The following TMEM131L variants were observed in gnomAD, a reference collection of about 807,000 sequenced individuals.
The protein encoded by TMEM131L is transmembrane protein 131-like.
TMEM131L carries 54 observed loss-of-function variants against 192.2 expected under a neutral mutation model. That is an observed-to-expected ratio of 0.28 (90% CI 0.23 to 0.35). The LOEUF (loss-of-function observed/expected upper bound fraction) is 0.35. Among genes scored for constraint, TMEM131L ranks in the 10% least tolerant of loss-of-function variants. The pLI is 1.00. For missense variants in TMEM131L, 1,888 were observed against 1,972.9 expected (o/e 0.96, Z 0.82); for synonymous variants, 701 against 704.9 (o/e 0.99, Z 0.09).
chr4:153,570,599 T>C (rs1178742000), intron 7 of TMEM131L, among the ~76,000 whole-genome samples: 3 of 152,124 alleles, frequency 2.0e-5, no homozygotes, highest in Non-Finnish European at 4.4e-5. Flanking sequence ...TTTCCATGTG[T>C]GGATTTCTGT....
intron 3 of TMEM131L, among the ~76,000 whole-genome samples, chr4:153,500,435 A>G (rs767804598): frequency 3.3e-5 from 5 of 152,156 alleles, no homozygotes; most frequent in Non-Finnish European, 1.5e-5. Flanking sequence ...AATTTTGCCA[A>G]TAGTGGATAG....
At chr4:153,486,086 AT>A (rs1224103149) in intron 3 of TMEM131L, among the ~76,000 whole-genome samples, 1 of 152,214 alleles carries the variant, frequency 6.6e-6, no homozygotes, top group African/African-American at 2.4e-5. Flanking sequence ...TAAGTCCGAG[AT>A]TAACGGATGG....
At chr4:153,622,617 T>C (rs1311607070) in intron 28 of TMEM131L, among the ~76,000 whole-genome samples, 1 of 152,214 alleles carries the variant, frequency 6.6e-6, no homozygotes, top group Non-Finnish European at 1.5e-5. Context: ...ATATAAGTTA[T>C]TTGTTAATTC....
chr4:153,622,300 C>T (rs914486306), intron 28 of TMEM131L, among the ~76,000 whole-genome samples: 22 of 152,058 alleles, frequency 1.4e-4, no homozygotes, highest in East Asian at 1.9e-4. Context: ...GGTCTGGTAC[C>T]GGATAGTGGG....
chr4:153,485,266 T>C (rs189237818), intron 3 of TMEM131L, among the ~76,000 whole-genome samples: 1 of 152,302 alleles, frequency 6.6e-6, no homozygotes, highest in East Asian at 1.9e-4. Flanking sequence ...TTGCGTTGCC[T>C]TCTCTAACAT....
intron 25 of TMEM131L, among the ~76,000 whole-genome samples, chr4:153,608,658 T>G (rs1028561446): frequency 6.6e-6 from 1 of 152,236 alleles, no homozygotes; most frequent in Non-Finnish European, 1.5e-5. Context: ...TCTGAAATTA[T>G]TGGTATTTGC....
chr4:153,599,572 G>A (rs940547283), intron 21 of TMEM131L, among the ~76,000 whole-genome samples: 3 of 152,172 alleles, frequency 2.0e-5, no homozygotes, highest in Non-Finnish European at 2.9e-5. Flanking sequence ...AATTATCAGA[G>A]TACTGTTAAA....
At position 153,635,464 on chromosome 4, in the gene TMEM131L, C is replaced by T; in HGVS notation, c.4450C>T (p.Pro1484Ser). ...NMNYANGFPC[P>S]ADVQTDFIDH... Reference sequence around the variant, plus strand: ...GAACTATGCCAATGGCTTCCCCTGTCCTGCAGATGTTCAGACAGACTTTAT... The same window carrying T: ...GAACTATGCCAATGGCTTCCCCTGTTCTGCAGATGTTCAGACAGACTTTAT... The change falls in exon 34 of 35, where the codon CCT (proline) becomes TCT (serine). Residue 1484 changes from proline to serine, a missense_variant. Physicochemically the swap from Pro to Ser is moderately conservative, Grantham distance 74. Transcript: ENST00000409959. 1 of 1,614,030 alleles carries T rather than the reference C, an allele frequency of 6.2e-7. No homozygotes were observed. The highest frequency in any genetic ancestry group is 1.7e-5 in the Admixed American group (1 of 60,018).
At position 153,582,420 on chromosome 4, in the gene TMEM131L, G is replaced by GTTTTT. The variant is rs1216119441; in HGVS notation, c.893-765_893-761dup. Among the ~76,000 whole-genome samples, 11 of 81,834 alleles carry GTTTTT rather than the reference G, an allele frequency of 1.3e-4. 2 individuals are homozygous for GTTTTT. The highest frequency in any genetic ancestry group is 6.0e-4 in the African/African-American group (11 of 18,260). The allele number at this position is 81,834 out of a possible 152,430, so 53.7% of individuals were successfully genotyped here. A position where few individuals can be genotyped will look rare whatever the true frequency, so the allele number is the denominator to read the frequency against. On this transcript the variant is annotated intron_variant, in intron 9 of 34. Coordinates refer to ENST00000409959, the MANE Select transcript of TMEM131L (RefSeq NM_001131007.2). ...CCACTATGCCTGGCTAATTTAAACC[G>GTTTTT]TTTTTTTTTGTTGTTTTTTTTTTTT...
At chr4:153,549,003 C>T (rs972295012) in intron 3 of TMEM131L, among the ~76,000 whole-genome samples, 23 of 152,100 alleles carry the variant, frequency 1.5e-4, no homozygotes, top group African/African-American at 4.8e-4. Flanking sequence ...CTTGCTCTGT[C>T]GCCCAGTCTG....
intron 12 of TMEM131L, 51 bp from the exon 13 acceptor site, chr4:153,585,407 G>T (rs1421508204): frequency 6.3e-7 from 1 of 1,579,152 alleles, no homozygotes; most frequent in African/African-American, 1.4e-5. Context: ...TAAGAGGGCT[G>T]ACTGTTGTCC....
intron 2 of TMEM131L, among the ~76,000 whole-genome samples, chr4:153,471,034 C>G (rs1215380261): frequency 6.6e-6 from 1 of 150,688 alleles, no homozygotes; most frequent in Non-Finnish European, 1.5e-5. Flanking sequence ...GTCGCCTAGG[C>G]TGGAGTGCAA....
In TMEM131L at chr4:153,581,378, T is replaced by C. The variant is rs540907335; in HGVS notation, c.739-29T>C. 1.4e-5 allele frequency: 21 copies of C among 1,487,256 alleles called. No homozygotes were observed. In the African/African-American group the frequency reaches 2.6e-4, roughly 18 times the overall value. 92.1% of individuals were successfully genotyped at this position (1,487,256 alleles called of 1,614,324 possible). On this transcript the variant is annotated intron_variant, in intron 8 of 34. Coordinates refer to ENST00000409959, the MANE Select transcript of TMEM131L (RefSeq NM_001131007.2). ...CACAAAGTTGAGATGATTTTTTTTT[T>C]CCTTTTTTCCTCCTCCTTCCAACCA...
chr4:153,470,997 T>TC (rs993949584), intron 2 of TMEM131L, among the ~76,000 whole-genome samples: 6 of 151,768 alleles, frequency 4.0e-5, no homozygotes, highest in African/African-American at 1.5e-4. Flanking sequence ...GTTTTCTTTT[T>TC]TTTTTTTGAG....
rs71598293 is a variant in TMEM131L at position 153,486,153 on chromosome 4, G to GA, written c.239+12274dup. On this transcript the variant is annotated intron_variant, in intron 3 of 34. Coordinates refer to ENST00000409959, the MANE Select transcript of TMEM131L (RefSeq NM_001131007.2). ...ATTATATGGTTCCTAGCAAATCCCTGAAAAAAAAAGAGCATGACTCGTGTA... is the reference window on the plus strand; with the variant it reads ...ATTATATGGTTCCTAGCAAATCCCTGAAAAAAAAAAGAGCATGACTCGTGTA... Among the ~76,000 whole-genome samples the GA allele has an allele frequency of 8.0e-4, 121 of 150,986 alleles. 1 individual carries two copies. The South Asian group carries it at 0.02, about 25-fold the overall frequency.
At chr4:153,553,357 G>A (rs749877945) in intron 4 of TMEM131L, among the ~76,000 whole-genome samples, 1 of 151,900 alleles carries the variant, frequency 6.6e-6, no homozygotes, top group Non-Finnish European at 1.5e-5. Context: ...ACTACAAGTG[G>A]TAGAATAAAT....
chr4:153,486,565 G>T (rs970485448), intron 3 of TMEM131L, among the ~76,000 whole-genome samples: 1 of 152,162 alleles, frequency 6.6e-6, no homozygotes, highest in Non-Finnish European at 1.5e-5. Context: ...CTGGTTCTTC[G>T]GACCTGTCTG....
intron 3 of TMEM131L, among the ~76,000 whole-genome samples, chr4:153,493,964 C>T (rs535643792): frequency 3.6e-4 from 55 of 152,184 alleles, no homozygotes; most frequent in African/African-American, 1.2e-3. Flanking sequence ...TGGCTGACAC[C>T]GTTCCCTGGC....
intron 31 of TMEM131L, among the ~76,000 whole-genome samples, chr4:153,628,712 G>C (rs1037671846): frequency 6.6e-6 from 1 of 152,192 alleles, no homozygotes; most frequent in African/African-American, 2.4e-5. Flanking sequence ...GGTTTAGATG[G>C]TACTACCTTT....
Sources: gnomAD v4.1 joint callset for allele counts (sites outside exome capture counted in the v4.1 genomes callset) on GRCh38, gnomAD v4.1.1 for gene constraint, MANE v1.5 for transcripts, NCBI Gene and HGNC (gene_info 2026-07-23, HGNC 2026-07-21) for gene names.